ZNF330: variants seen among roughly 807,000 people sequenced by gnomAD.
The protein encoded by ZNF330 is zinc finger protein 330.
In ZNF330, 31 loss-of-function variants were observed where a neutral mutation model predicts 45.5. That is an observed-to-expected ratio of 0.68 (90% confidence interval 0.51 to 0.92). The LOEUF (loss-of-function observed/expected upper bound fraction) is 0.92, where lower values mean the gene tolerates loss of function less well. Ranked by LOEUF, ZNF330 falls within the 40% of genes least tolerant of loss-of-function variation. The probability of loss-of-function intolerance (pLI) is 0.00; values close to 1 mark genes in which losing one functional copy is unlikely to be tolerated. For synonymous variants in ZNF330, 138 were observed against 123.2 expected, an observed-to-expected ratio of 1.12 and a Z score of -0.79; for missense variants, 356 against 387.4, an observed-to-expected ratio of 0.92 and a Z score of 0.68.
At chr4:141,230,863 T>C (rs115610275) in intron 7 of ZNF330, among the ~76,000 whole-genome samples, 234 of 152,234 alleles carry the variant, frequency 1.5e-3, no homozygotes, top group Non-Finnish European at 2.9e-3. Flanking sequence ...AATAGTATCA[T>C]CTTTACACAT....
rs1728897884 is a variant in ZNF330, at chr4:141,229,609, T to C, written c.330T>C (p.His110=). 1.2e-6 allele frequency: 2 copies of C among 1,613,098 alleles called. No homozygotes were observed. The highest frequency in any genetic ancestry group is 1.7e-6 in the Non-Finnish European group (2 of 1,179,226). The change falls in exon 6 of 10, where the codon CAT becomes CAC. Residue 110 remains histidine (H), a synonymous_variant. Coordinates refer to ENST00000262990, the MANE Select transcript of ZNF330 (RefSeq NM_014487.6). Reference sequence around the variant, plus strand: ...ACTTCTGTGAAGCTTGGGTTTGCCATGGTAGGAAATGTCTCAGTACACATG... The same window carrying C: ...ACTTCTGTGAAGCTTGGGTTTGCCACGGTAGGAAATGTCTCAGTACACATG... ...ICDFCEAWVC[H]GRKCLSTHAC...
intron 8 of ZNF330, 25 bp downstream of exon 8, chr4:141,231,510 T>G: frequency 6.4e-7 from 1 of 1,572,854 alleles, no homozygotes. Context: ...TTTTTTCTTT[T>G]TAGATTTTGT....
Position 141,222,252 on chromosome 4 carries a change from A to G in ZNF330, c.-6-114A>G, listed in dbSNP as rs1442504545. 7.2e-6 allele frequency: 9 copies of G among 1,252,802 alleles called. No individual in the cohort carries two copies. In the African/African-American group the frequency reaches 1.1e-4, roughly 15 times the overall value. The allele number at this position is 1,252,802 out of a possible 1,614,324, so 77.6% of individuals were successfully genotyped here. The stretch of plus-strand genomic sequence containing the variant: ...GAATGTGCTTAACTATCGAAAGGAT[A>G]GAGTTTAACATTTAACAAGAAAAAG... On this transcript the variant is annotated intron_variant, in intron 1 of 9. Coordinates refer to ENST00000262990, the MANE Select transcript of ZNF330 (RefSeq NM_014487.6).
intron 4 of ZNF330, among the ~76,000 whole-genome samples, chr4:141,226,439 A>T (rs1244309414): frequency 6.6e-6 from 1 of 152,168 alleles, no homozygotes; most frequent in Non-Finnish European, 1.5e-5. Flanking sequence ...TAATCTGAAG[A>T]TTGATAAGTT....
In ZNF330 at chr4:141,222,391, G is replaced by C. The variant is rs777120312; in HGVS notation, c.20G>C (p.Gly7Ala). Reference sequence around the variant, plus strand: ...GGGAAAATGCCTAAAAAAAAGACTGGTGCGAGGAAGAAGGCTGAGAACCGC... The same window carrying C: ...GGGAAAATGCCTAAAAAAAAGACTGCTGCGAGGAAGAAGGCTGAGAACCGC... MPKKKT[G>A]ARKKAENRRE... The change falls in exon 2 of 10, where the codon GGT (glycine) becomes GCT (alanine). Residue 7 changes from glycine to alanine, a missense_variant. Coordinates refer to ENST00000262990, the MANE Select transcript of ZNF330 (RefSeq NM_014487.6). The C allele has an allele frequency of 5.6e-6, 9 of 1,613,034 alleles. No homozygotes were observed. In the African/African-American group the frequency reaches 1.2e-4, roughly 22 times the overall value.
intron 8 of ZNF330, among the ~76,000 whole-genome samples, chr4:141,231,703 C>T (rs1325833807): frequency 6.6e-6 from 1 of 152,058 alleles, no homozygotes; most frequent in Non-Finnish European, 1.5e-5. Flanking sequence ...GTGGCTAGTG[C>T]ACATTTCTCT....
intron 4 of ZNF330, 27 bp from the exon 5 acceptor site, chr4:141,226,740 A>T: frequency 1.3e-6 from 2 of 1,590,950 alleles, no homozygotes; most frequent in Non-Finnish European, 1.7e-6. Flanking sequence ...TTGCAAGACT[A>T]ACAGTGCAAA....
Position 141,233,915 on chromosome 4 carries a change from G to T in ZNF330, c.889G>T (p.Asp297Tyr). 6.2e-7 allele frequency: 1 copy of T among 1,613,796 alleles called. No homozygotes were observed. The highest frequency in any genetic ancestry group is 8.5e-7 in the Non-Finnish European group (1 of 1,179,762). The change falls in exon 10 of 10, where the codon GAT becomes TAT. Residue 297 changes from aspartate (D) to tyrosine (Y), a missense_variant. Transcript: ENST00000262990. ...AAAGGATTCAGATACTGAGTCATCA[G>T]ATTTGTTTACTAATTTGAATTTAGG... is the stretch of plus-strand genomic sequence containing the variant. ...GRKDSDTESS[D>Y]LFTNLNLGRT...
intron 9 of ZNF330, 108 bp from the exon 10 acceptor site, chr4:141,233,607 C>T: frequency 2.1e-6 from 3 of 1,437,972 alleles, no homozygotes; most frequent in African/African-American, 1.4e-5. Flanking sequence ...CCTATTTTTT[C>T]ATTTGGGATT....
At chr4:141,225,118 A>C (rs892218608) in intron 4 of ZNF330, among the ~76,000 whole-genome samples, 2 of 152,092 alleles carry the variant, frequency 1.3e-5, no homozygotes, top group Admixed American at 6.6e-5. Flanking sequence ...TTTTGTGATC[A>C]GTAGTTTTTG....
rs552893659 is a variant in ZNF330, at chr4:141,232,380, A to C, written c.571-145A>C. ...CTGACAAAAACCATTTCTGTTAAGA[A>C]AATGAAATGAGAAGTGTGACTGCTC... On this transcript the variant is annotated intron_variant, in intron 8 of 9. Coordinates refer to ENST00000262990, the MANE Select transcript of ZNF330 (RefSeq NM_014487.6). 3.8e-4 allele frequency: 167 copies of C among 439,732 alleles called. No homozygotes were observed. The Middle Eastern group carries it at 6.2e-3, about 16-fold the overall frequency. 27.2% of individuals were successfully genotyped at this position (439,732 alleles called of 1,614,324 possible). A position where few individuals can be genotyped will look rare whatever the true frequency, so the allele number is the denominator to read the frequency against.
At chr4:141,221,262 T>G (rs1380491238) in intron 1 of ZNF330, among the ~76,000 whole-genome samples, 154 bp downstream of exon 1, 3 of 152,224 alleles carry the variant, frequency 2.0e-5, no homozygotes, top group Non-Finnish European at 4.4e-5. Flanking sequence ...GCCCCGTGCC[T>G]GTTTCCTCAT....
chr4:141,232,702 C>CTT (rs367794846), intron 9 of ZNF330, 60 bp downstream of exon 9: 513 of 715,316 alleles, frequency 7.2e-4, no homozygotes, highest in Non-Finnish European at 8.8e-4. Flanking sequence ...CAAAGTTTAT[C>CTT]TTTTTTTTTT....
At chr4:141,221,646 T>A (rs1459203881) in intron 1 of ZNF330, among the ~76,000 whole-genome samples, 4 of 152,186 alleles carry the variant, frequency 2.6e-5, no homozygotes, top group African/African-American at 9.7e-5. Flanking sequence ...GTTTTTTTTT[T>A]AATTGAGCAT....
At chr4:141,224,746 G>T in intron 4 of ZNF330, 69 bp downstream of exon 4, 1 of 1,347,942 alleles carries the variant, frequency 7.4e-7, no homozygotes, top group African/African-American at 1.4e-5. Context: ...AACTTGGGTG[G>T]GTTTGTTGCT....
At position 141,229,622 on chromosome 4, in the gene ZNF330, C is replaced by A. The variant is rs1273553927; in HGVS notation, c.343C>A (p.Leu115Ile). Residue 115 changes from leucine to isoleucine, a missense_variant, in exon 6 of 10, where the codon CTC becomes ATC. Coordinates refer to ENST00000262990, the MANE Select transcript of ZNF330 (RefSeq NM_014487.6). ...EAWVCHGRKC[L>I]STHACACPLT... The stretch of plus-strand genomic sequence containing the variant: ...TTGGGTTTGCCATGGTAGGAAATGT[C>A]TCAGTACACATGCTTGTGCCTGCCC... 2 of 1,613,138 alleles carry A rather than the reference C, an allele frequency of 1.2e-6. No homozygotes were observed. The highest frequency in any genetic ancestry group is 3.3e-5 in the Admixed American group (2 of 59,974).
At position 141,226,776 on chromosome 4, in the gene ZNF330, A is replaced by G; in HGVS notation, c.221A>G (p.Lys74Arg). ...LPICAQCGKT[K>R]CMMKSSDCVI... ...TGTTTTTCTTCATTAGGGAAAACAA[A>G]GTGCATGATGAAGTCTTCAGACTGT... The change falls in exon 5 of 10, where the codon AAG (lysine) becomes AGG (arginine). Residue 74 changes from lysine (K) to arginine (R), a missense_variant. Lys to Arg is a conservative substitution (Grantham distance 26, BLOSUM62 2). Transcript: ENST00000262990. 6.2e-7 allele frequency: 1 copy of G among 1,612,792 alleles called. No individual in the cohort carries two copies. The highest frequency in any genetic ancestry group is 8.5e-7 in the Non-Finnish European group (1 of 1,179,204).
At position 141,222,398 on chromosome 4, in the gene ZNF330, G is replaced by A; in HGVS notation, c.27G>A (p.Arg9=). 6.2e-7 allele frequency: 1 copy of A among 1,613,450 alleles called. No individual in the cohort carries two copies. Among genetic ancestry groups the A allele is most frequent in the Non-Finnish European group, 8.5e-7 (1 of 1,179,698 alleles). MPKKKTGA[R]KKAENRRERE... ...TGCCTAAAAAAAAGACTGGTGCGAGGAAGAAGGCTGAGAACCGCCGAGAAC... is the reference window on the plus strand; with the variant it reads ...TGCCTAAAAAAAAGACTGGTGCGAGAAAGAAGGCTGAGAACCGCCGAGAAC... The change falls in exon 2 of 10, where the codon AGG becomes AGA. Residue 9 remains arginine, a synonymous_variant. Transcript: ENST00000262990.
chr4:141,233,354 T>A (rs1247613836), intron 9 of ZNF330, among the ~76,000 whole-genome samples: 1 of 152,134 alleles, frequency 6.6e-6, no homozygotes, highest in Non-Finnish European at 1.5e-5. Flanking sequence ...GCATCTGCAT[T>A]GTAAAATAGC....
Sources: allele counts gnomAD v4.1 joint callset (sites outside exome capture counted in the v4.1 genomes callset), GRCh38; gene constraint gnomAD v4.1.1; transcripts MANE v1.5; gene names NCBI Gene and HGNC (gene_info 2026-07-23, HGNC 2026-07-21).